Variants in PCDHA3 observed in about 807,000 individuals in gnomAD.
PCDHA3 encodes protocadherin alpha 3, also known as protocadherin alpha-3.
PCDHA3 carries 41 observed loss-of-function variants against 62.2 expected under a neutral mutation model. That is an observed-to-expected ratio of 0.66 (90% CI 0.51 to 0.86). PCDHA3 has a LOEUF of 0.86. Ranked by LOEUF, PCDHA3 falls within the 40% of genes least tolerant of loss-of-function variation. The pLI, the probability that PCDHA3 is intolerant of heterozygous loss-of-function variation, is 0.00. For synonymous variants in PCDHA3, 640 were observed against 555.4 expected, an observed-to-expected ratio of 1.15 and a Z score of -2.14; for missense variants, 1,304 against 1,241.2, an observed-to-expected ratio of 1.05 and a Z score of -0.76.
chr5:140,842,484 C>T (rs2150337219), intron 1 of PCDHA3: 2 of 1,613,924 alleles, frequency 1.2e-6, no homozygotes, highest in East Asian at 2.2e-5. Context: ...GTGACCTGCT[C>T]CCTGATGCCC....
intron 3 of PCDHA3, among the ~76,000 whole-genome samples, chr5:141,009,180 T>C (rs1272195338): frequency 6.6e-6 from 1 of 152,170 alleles, no homozygotes; most frequent in Non-Finnish European, 1.5e-5. Context: ...CTTGGCTGGG[T>C]GTGGTAGCTC....
At chr5:140,837,760 T>C (rs1554136627) in intron 1 of PCDHA3, among the ~76,000 whole-genome samples, 1 of 151,798 alleles carries the variant, frequency 6.6e-6, no homozygotes, top group African/African-American at 2.4e-5. Context: ...CACTGCAACC[T>C]GAAAGTCCTG....
chr5:140,998,708 G>A (rs2153953637), intron 3 of PCDHA3, among the ~76,000 whole-genome samples: 1 of 152,142 alleles, frequency 6.6e-6, no homozygotes, highest in South Asian at 2.1e-4. Context: ...GGGATTACAA[G>A]CTTGCACCAC....
intron 1 of PCDHA3, chr5:140,967,401 G>C: frequency 6.2e-7 from 1 of 1,611,944 alleles, no homozygotes; most frequent in Non-Finnish European, 8.5e-7. Context: ...CTGGTGCTGC[G>C]TAAGGGCCTA....
chr5:140,974,419 C>T (rs998974699), intron 1 of PCDHA3, among the ~76,000 whole-genome samples: 1 of 152,208 alleles, frequency 6.6e-6, no homozygotes, highest in African/African-American at 2.4e-5. Flanking sequence ...GTTTATTTTA[C>T]TTTCCTGGTT....
chr5:140,823,933 C>T, intron 1 of PCDHA3: 2 of 1,613,958 alleles, frequency 1.2e-6, no homozygotes, highest in Admixed American at 1.7e-5. Context: ...GTACACCGCG[C>T]TGCGGTGCTC....
chr5:140,919,258 A>G (rs2079053720), intron 1 of PCDHA3, among the ~76,000 whole-genome samples: 1 of 152,178 alleles, frequency 6.6e-6, no homozygotes, highest in African/African-American at 2.4e-5. Flanking sequence ...TTTGTCTGAT[A>G]TTAGTGTAGT....
chr5:140,881,230 G>A (rs1467821983), intron 1 of PCDHA3: 2 of 301,850 alleles, frequency 6.6e-6, no homozygotes, highest in Non-Finnish European at 9.8e-6. Flanking sequence ...GAAAATTAAA[G>A]TCAATTTAAA....
chr5:140,805,743 A>T, intron 1 of PCDHA3: 1 of 270,886 alleles, frequency 3.7e-6, no homozygotes, highest in Non-Finnish European at 5.7e-6. Context: ...TCAACATTGA[A>T]CTTGAAATAC....
At chr5:140,882,854 C>G in intron 1 of PCDHA3, 2 of 1,614,196 alleles carry the variant, frequency 1.2e-6, no homozygotes, top group Non-Finnish European at 1.7e-6. Flanking sequence ...ATCACTTGTA[C>G]TGAGGAAAAC....
At chr5:140,836,309 AC>A (rs2150257365) in intron 1 of PCDHA3, 1 of 1,613,652 alleles carries the variant, frequency 6.2e-7, no homozygotes, top group East Asian at 2.2e-5. Context: ...AGACGGACGC[AC>A]CGCGCCACCG....
intron 1 of PCDHA3, chr5:140,824,177 T>G: frequency 1.2e-6 from 2 of 1,609,658 alleles, no homozygotes; most frequent in African/African-American, 2.7e-5. Flanking sequence ...TTTTCAAATA[T>G]TAAATGTCAC....
chr5:140,980,265 A>G (rs1041506600), intron 2 of PCDHA3, among the ~76,000 whole-genome samples: 1 of 152,258 alleles, frequency 6.6e-6, no homozygotes, highest in Non-Finnish European at 1.5e-5. Flanking sequence ...CATGGTTTAC[A>G]GTACCAACTC....
chr5:140,996,164 T>C (rs934521653), intron 3 of PCDHA3, among the ~76,000 whole-genome samples: 2 of 152,246 alleles, frequency 1.3e-5, no homozygotes, highest in African/African-American at 4.8e-5. Context: ...TATACTGCAA[T>C]GTGCTGACAG....
chr5:140,945,496 A>G (rs2093798194), intron 1 of PCDHA3, among the ~76,000 whole-genome samples: 1 of 152,142 alleles, frequency 6.6e-6, no homozygotes, highest in South Asian at 2.1e-4. Context: ...TACCCAAAGC[A>G]ATATTGAGCA....
rs1187418023 is a variant in PCDHA3, at chr5:140,803,201, G to A, written c.2004G>A (p.Ser668=). 3 of 1,613,778 alleles carry A rather than the reference G, an allele frequency of 1.9e-6. No homozygotes were observed. The highest frequency in any genetic ancestry group is 1.3e-5 in the African/African-American group (1 of 74,942). Residue 668 remains serine, a synonymous_variant, in exon 1 of 4, where the codon TCG becomes TCA. Coordinates refer to ENST00000522353, the MANE Select transcript of PCDHA3 (RefSeq NM_018906.3). Reference sequence around the variant, plus strand: ...CCGCCACGGCCACTGTGCTGGTGTCGCTGGTGGAGAGTGGCCAGGCACCCA... The same window carrying A: ...CCGCCACGGCCACTGTGCTGGTGTCACTGGTGGAGAGTGGCCAGGCACCCA... The part of the protein sequence containing the change: ...SLTATATVLV[S]LVESGQAPKA...
At chr5:140,957,191 T>C (rs1302296413) in intron 1 of PCDHA3, among the ~76,000 whole-genome samples, 1 of 152,150 alleles carries the variant, frequency 6.6e-6, no homozygotes, top group Non-Finnish European at 1.5e-5. Flanking sequence ...TGATGACCGA[T>C]TGGGAATATA....
chr5:140,918,517 G>A (rs2078735105), intron 1 of PCDHA3, among the ~76,000 whole-genome samples: 1 of 152,134 alleles, frequency 6.6e-6, no homozygotes, highest in South Asian at 2.1e-4. Flanking sequence ...TAAACTTATT[G>A]AGGATTGTTT....
At chr5:140,840,556 G>A (rs1378989097) in intron 1 of PCDHA3, among the ~76,000 whole-genome samples, 4 of 152,028 alleles carry the variant, frequency 2.6e-5, no homozygotes, top group Non-Finnish European at 5.9e-5. Flanking sequence ...TGGCAATACT[G>A]CTAGAGTTTG....
Sources: gnomAD v4.1 joint callset for allele counts (sites outside exome capture counted in the v4.1 genomes callset) on GRCh38, gnomAD v4.1.1 for gene constraint, MANE v1.5 for transcripts, NCBI Gene and HGNC (gene_info 2026-07-23, HGNC 2026-07-21) for gene names.